The following HCRTR2 variants were observed in gnomAD, a reference collection of about 807,000 sequenced individuals.
The protein encoded by HCRTR2 is hypocretin receptor 2.
In HCRTR2, 22 loss-of-function variants were observed where a neutral mutation model predicts 49.0. The ratio of observed to expected loss-of-function variants is 0.45; its 90% CI spans 0.32 to 0.64. The LOEUF is 0.64. Among genes scored for constraint, HCRTR2 ranks in the 30% least tolerant of loss-of-function variants. HCRTR2 has a pLI of 0.04. For synonymous variants in HCRTR2, 236 were observed against 205.3 expected, an observed-to-expected ratio of 1.15 and a Z score of -1.28; for missense variants, 491 against 559.4, an observed-to-expected ratio of 0.88 and a Z score of 1.23.
At chr6:55,234,965 A>T (rs2127301522) in intron 1 of HCRTR2, among the ~76,000 whole-genome samples, 1 of 152,300 alleles carries the variant, frequency 6.6e-6, no homozygotes, top group East Asian at 1.9e-4. Flanking sequence ...ATTGTAGAGT[A>T]TTTCAATGAT....
In HCRTR2 at chr6:55,155,094, A is replaced by G. The variant is rs571038943; in HGVS notation, c.-377-19117A>G. The stretch of plus-strand genomic sequence containing the variant: ...AATTAAAGAAGATACAATAAATGGA[A>G]GATATTCCATGCCATGGTTTGGAAG... On this transcript the variant is annotated intron_variant, in intron 1 of 7. Coordinates refer to the HCRTR2 transcript ENST00000615358. Among the ~76,000 whole-genome samples the G allele has an allele frequency of 1.4e-4, 21 of 152,052 alleles. No homozygotes were observed. In the South Asian group the frequency reaches 4.3e-3, roughly 31 times the overall value.
intron 4 of HCRTR2, among the ~76,000 whole-genome samples, chr6:55,269,328 C>T (rs1317079389): frequency 1.3e-5 from 2 of 151,842 alleles, no homozygotes; most frequent in African/African-American, 4.8e-5. Flanking sequence ...TTGAACAGAA[C>T]TGATTCTTTT....
At position 55,235,752 on chromosome 6, in the gene HCRTR2, A is replaced by C. The variant is rs181865528; in HGVS notation, c.224-12887A>C. 4.9e-3 allele frequency among the ~76,000 whole-genome samples: 746 copies of C among 152,182 alleles called. 3 individuals are homozygous for C. Among genetic ancestry groups the C allele is most frequent in the African/African-American group, 0.016 (681 of 41,552 alleles). ...AGATACTTCTTTGATAATGCAGTACATGGCACTTTTGTCATATGTCAAGAG... is the reference window on the plus strand; with the variant it reads ...AGATACTTCTTTGATAATGCAGTACCTGGCACTTTTGTCATATGTCAAGAG... On this transcript the variant is annotated intron_variant, in intron 1 of 6. Coordinates refer to ENST00000370862, the MANE Select transcript of HCRTR2 (RefSeq NM_001384272.1).
At chr6:55,134,040 T>G (rs1207493785) in intron 1 of HCRTR2, among the ~76,000 whole-genome samples, 2 of 151,832 alleles carry the variant, frequency 1.3e-5, no homozygotes, top group African/African-American at 4.8e-5. Flanking sequence ...AACATATACA[T>G]TTCTTATTTC....
chr6:55,199,969 G>A (rs1240283396), intron 1 of HCRTR2, among the ~76,000 whole-genome samples: 3 of 152,174 alleles, frequency 2.0e-5, no homozygotes, highest in African/African-American at 7.2e-5. Flanking sequence ...GAATGTAAAT[G>A]AGCAGAGTGT....
At chr6:55,203,879 T>C (rs1165863007) in intron 1 of HCRTR2, among the ~76,000 whole-genome samples, 2 of 152,084 alleles carry the variant, frequency 1.3e-5, no homozygotes, top group African/African-American at 2.4e-5. Flanking sequence ...TAAGGTTTTT[T>C]TTTTTCCTCT....
At chr6:55,152,824 A>G (rs879812495) in intron 1 of HCRTR2, among the ~76,000 whole-genome samples, 1 of 152,038 alleles carries the variant, frequency 6.6e-6, no homozygotes, top group Admixed American at 6.6e-5. Flanking sequence ...AAATATTTGC[A>G]TATGGTTACC....
At chr6:55,198,988 C>G (rs1009943614) in intron 1 of HCRTR2, among the ~76,000 whole-genome samples, 2 of 152,180 alleles carry the variant, frequency 1.3e-5, no homozygotes, top group African/African-American at 2.4e-5. Context: ...TTCCTGGTTG[C>G]TCAAGCCTAA....
intron 1 of HCRTR2, among the ~76,000 whole-genome samples, chr6:55,216,491 T>C (rs1367029350): frequency 1.3e-5 from 2 of 152,180 alleles, no homozygotes; most frequent in African/African-American, 4.8e-5. Flanking sequence ...GGTACAGGAA[T>C]AAGACAGACA....
intron 1 of HCRTR2, among the ~76,000 whole-genome samples, chr6:55,228,441 T>C (rs974533322): frequency 5.3e-5 from 8 of 152,212 alleles, no homozygotes; most frequent in African/African-American, 1.9e-4. Context: ...TTGACATGTA[T>C]ATCAAAATGT....
chr6:55,128,428 T>G (rs896739449), intron 1 of HCRTR2, among the ~76,000 whole-genome samples: 16 of 152,132 alleles, frequency 1.1e-4, no homozygotes, highest in African/African-American at 3.9e-4. Context: ...TCCATTTGAA[T>G]TTTAAAATAG....
At chr6:55,232,071 ATT>A (rs1766125456) in intron 1 of HCRTR2, among the ~76,000 whole-genome samples, 1 of 152,052 alleles carries the variant, frequency 6.6e-6, no homozygotes, top group East Asian at 1.9e-4. Context: ...CCTTTTTTTA[ATT>A]TCAGAACTCT....
At chr6:55,237,641 C>G (rs981494794) in intron 1 of HCRTR2, among the ~76,000 whole-genome samples, 1 of 152,202 alleles carries the variant, frequency 6.6e-6, no homozygotes, top group South Asian at 2.1e-4. Context: ...GCATCTCCCT[C>G]TTGCATTTTC....
intron 1 of HCRTR2, among the ~76,000 whole-genome samples, chr6:55,187,486 C>T (rs1235931217): frequency 4.1e-5 from 6 of 147,152 alleles, no homozygotes; most frequent in African/African-American, 1.5e-4. Flanking sequence ...ATTGGTAATT[C>T]TAGCAGATCC....
intron 1 of HCRTR2, among the ~76,000 whole-genome samples, chr6:55,202,167 C>T (rs1388848504): frequency 2.6e-5 from 4 of 152,120 alleles, no homozygotes; most frequent in African/African-American, 9.7e-5. Context: ...TCTAAAACAG[C>T]TTTGGTGATC....
intron 1 of HCRTR2, among the ~76,000 whole-genome samples, chr6:55,152,924 T>C (rs2127258721): frequency 6.6e-6 from 1 of 152,182 alleles, no homozygotes; most frequent in Non-Finnish European, 1.5e-5. Context: ...TTTGCTTTTG[T>C]TACTTGTGTT....
intron 1 of HCRTR2, among the ~76,000 whole-genome samples, chr6:55,219,845 T>C (rs1213931627): frequency 6.6e-6 from 1 of 151,798 alleles, no homozygotes; most frequent in African/African-American, 2.4e-5. Flanking sequence ...ATAAATAATA[T>C]TGTAAATAAA....
chr6:55,204,300 C>A (rs1290654612), intron 1 of HCRTR2, among the ~76,000 whole-genome samples: 1 of 152,118 alleles, frequency 6.6e-6, no homozygotes, highest in Non-Finnish European at 1.5e-5. Context: ...CCAGAGGGCA[C>A]CCTCTGGATT....
chr6:55,248,885 G>A, intron 2 of HCRTR2, 68 bp downstream of exon 2: 4 of 1,273,686 alleles, frequency 3.1e-6, no homozygotes, highest in Non-Finnish European at 4.6e-6. Context: ...GGCCCTTATG[G>A]TAAATTAACT....
Sources: allele counts gnomAD v4.1 joint callset (sites outside exome capture counted in the v4.1 genomes callset), GRCh38; gene constraint gnomAD v4.1.1; transcripts MANE v1.5; gene names NCBI Gene and HGNC (gene_info 2026-07-23, HGNC 2026-07-21).